Variants in MBD5 observed in about 807,000 individuals in gnomAD.
MBD5 encodes the protein methyl-CpG binding domain protein 5.
In MBD5, 13 loss-of-function variants were observed where a neutral mutation model predicts 117.3. The ratio of observed to expected loss-of-function variants is 0.11; its 90% CI spans 0.07 to 0.18. The LOEUF is 0.18. Among genes scored for constraint, MBD5 ranks in the 10% least tolerant of loss-of-function variants. The pLI is 1.00. For synonymous variants in MBD5, 727 were observed against 766.4 expected, an observed-to-expected ratio of 0.95 and a Z score of 0.85; for missense variants, 1,879 against 2,093.8, an observed-to-expected ratio of 0.90 and a Z score of 2.00.
chr2:148,336,846 C>T (rs2034671), intron 3 of MBD5, among the ~76,000 whole-genome samples: 17,261 of 152,228 alleles, frequency 0.11, 1,294 homozygotes, highest in Non-Finnish European at 0.18. Context: ...CCAGCATCTA[C>T]TTATGTCAGT....
chr2:148,269,327 T>C (rs1177233056), intron 3 of MBD5, among the ~76,000 whole-genome samples: 2 of 151,828 alleles, frequency 1.3e-5, no homozygotes, highest in African/African-American at 4.8e-5. Flanking sequence ...AATAAGTAGG[T>C]TTAATGCTCC....
intron 1 of MBD5, among the ~76,000 whole-genome samples, chr2:148,047,783 A>G (rs967249317): frequency 6.6e-6 from 1 of 152,212 alleles, no homozygotes; most frequent in Non-Finnish European, 1.5e-5. Context: ...CCAAAGTGAT[A>G]CCTTAGCTAA....
intron 4 of MBD5, among the ~76,000 whole-genome samples, chr2:148,422,844 G>T (rs181361905): frequency 1.3e-5 from 2 of 152,124 alleles, no homozygotes; most frequent in East Asian, 3.9e-4. Context: ...AGAGAATGAA[G>T]ATCAATTTAA....
At chr2:148,395,479 C>A (rs1018370683) in intron 4 of MBD5, among the ~76,000 whole-genome samples, 1 of 139,888 alleles carries the variant, frequency 7.1e-6, no homozygotes, top group Non-Finnish European at 1.5e-5. Flanking sequence ...GGCTGGAGTG[C>A]GGTGGCGCAA....
intron 4 of MBD5, among the ~76,000 whole-genome samples, chr2:148,387,968 G>A (rs1281567872): frequency 6.6e-6 from 1 of 152,036 alleles, no homozygotes; most frequent in Admixed American, 6.6e-5. Flanking sequence ...ATCCTAACAG[G>A]GTTTTTGGGG....
At chr2:148,416,679 G>A (rs116736120) in intron 4 of MBD5, among the ~76,000 whole-genome samples, 2,338 of 152,002 alleles carry the variant, frequency 0.015, 60 homozygotes, top group African/African-American at 0.053. Context: ...TGGATGAATT[G>A]TATGGTGGTG....
intron 1 of MBD5, among the ~76,000 whole-genome samples, chr2:148,107,871 T>C (rs1463770421): frequency 6.6e-6 from 1 of 152,206 alleles, no homozygotes; most frequent in African/African-American, 2.4e-5. Context: ...ACTACTCATT[T>C]TTTTAACTTT....
At chr2:148,309,091 G>T (rs1701966196) in intron 3 of MBD5, among the ~76,000 whole-genome samples, 1 of 152,146 alleles carries the variant, frequency 6.6e-6, no homozygotes, top group Non-Finnish European at 1.5e-5. Context: ...GTAGCATGAT[G>T]CCTACAGCTT....
intron 3 of MBD5, among the ~76,000 whole-genome samples, chr2:148,288,870 C>T (rs1292704595): frequency 2.0e-5 from 3 of 152,102 alleles, no homozygotes; most frequent in African/African-American, 7.2e-5. Context: ...AAGACCAAGA[C>T]TTCTCTGTGT....
intron 1 of MBD5, chr2:148,041,279 T>C (rs980921517): frequency 3.3e-5 from 5 of 152,198 alleles, no homozygotes; most frequent in African/African-American, 9.7e-5. Context: ...TGACTTGTTT[T>C]GGGAGTAACA....
intron 1 of MBD5, among the ~76,000 whole-genome samples, chr2:148,169,788 G>A (rs1006849989): frequency 6.6e-6 from 1 of 151,954 alleles, no homozygotes; most frequent in African/African-American, 2.4e-5. Context: ...ATATTGTCTG[G>A]GCAAGTTGCA....
At chr2:148,318,800 TC>T (rs1448894732) in intron 3 of MBD5, among the ~76,000 whole-genome samples, 1 of 152,156 alleles carries the variant, frequency 6.6e-6, no homozygotes, top group Admixed American at 6.5e-5. Context: ...CACTGCAACC[TC>T]TGCCTCCTGC....
At chr2:148,215,682 C>T (rs1028713021) in intron 2 of MBD5, among the ~76,000 whole-genome samples, 9 of 138,334 alleles carry the variant, frequency 6.5e-5, no homozygotes, top group South Asian at 2.3e-4. Context: ...GCACCATGCC[C>T]GGCTAATTTT....
chr2:148,167,992 T>TA (rs1205907021), intron 1 of MBD5, among the ~76,000 whole-genome samples: 5 of 152,184 alleles, frequency 3.3e-5, no homozygotes, highest in Non-Finnish European at 7.4e-5. Context: ...TTAGACCTTT[T>TA]AAAAAAATCA....
At chr2:148,451,435 G>T (rs1041393640) in intron 4 of MBD5, among the ~76,000 whole-genome samples, 1 of 152,130 alleles carries the variant, frequency 6.6e-6, no homozygotes, top group Non-Finnish European at 1.5e-5. Flanking sequence ...GAAACAGATG[G>T]GGGGAGGTTG....
chr2:148,264,695 A>C (rs1269371572), intron 3 of MBD5: 1 of 152,222 alleles, frequency 6.6e-6, no homozygotes, highest in Non-Finnish European at 1.5e-5. Context: ...GAAATGAAGA[A>C]ATGTAAAGCC....
intron 2 of MBD5, among the ~76,000 whole-genome samples, chr2:148,209,148 C>T (rs780552476): frequency 6.6e-6 from 1 of 152,118 alleles, no homozygotes; most frequent in Non-Finnish European, 1.5e-5. Flanking sequence ...GAGCATACAA[C>T]TGAATTTGCT....
intron 1 of MBD5, among the ~76,000 whole-genome samples, chr2:148,137,921 C>T (rs1697211062): frequency 1.3e-5 from 2 of 152,158 alleles, no homozygotes; most frequent in African/African-American, 4.8e-5. Flanking sequence ...TAGGCTATAT[C>T]ATCTGGGGTT....
At chr2:148,401,590 T>A (rs1704923223) in intron 4 of MBD5, among the ~76,000 whole-genome samples, 1 of 152,136 alleles carries the variant, frequency 6.6e-6, no homozygotes, top group Admixed American at 6.5e-5. Flanking sequence ...TTTAAAAAAA[T>A]TATTTTGAAA....
Sources: allele counts gnomAD v4.1 joint callset (sites outside exome capture counted in the v4.1 genomes callset), GRCh38; gene constraint gnomAD v4.1.1; transcripts MANE v1.5; gene names NCBI Gene and HGNC (gene_info 2026-07-23, HGNC 2026-07-21).